CCSER2: variants seen among roughly 807,000 people sequenced by gnomAD.
CCSER2 encodes coiled-coil serine rich protein 2.
CCSER2 carries 46 observed loss-of-function variants against 92.3 expected under a neutral mutation model. The ratio of observed to expected loss-of-function variants is 0.50; its 90% CI spans 0.39 to 0.64. The LOEUF is 0.64. CCSER2 is among the 30% of genes least tolerant of loss of function. CCSER2 has a pLI of 0.00. For synonymous variants in CCSER2, 433 were observed against 431.4 expected (o/e 1.00, Z -0.04); for missense variants, 1,244 against 1,238.9 (o/e 1.00, Z -0.06).
chr10:84,463,871 T>C, intron 6 of CCSER2, 62 bp from the exon 7 acceptor site: 1 of 1,152,892 alleles, frequency 8.7e-7, no homozygotes, highest in Non-Finnish European at 1.3e-6. Flanking sequence ...TAAATTCAGG[T>C]TGAACTGAAT....
Position 84,514,430 on chromosome 10 carries a change from T to C in CCSER2, c.*163T>C, listed in dbSNP as rs886669941. 1.7e-6 allele frequency: 1 copy of C among 601,652 alleles called. No homozygotes were observed. The highest frequency in any genetic ancestry group is 2.9e-6 in the Non-Finnish European group (1 of 347,120). 37.3% of individuals were successfully genotyped at this position (601,652 alleles called of 1,614,324 possible). On this transcript the variant is annotated 3_prime_UTR_variant, in exon 10 of 10. Transcript: ENST00000372088. ...CTACTAGTTTGGCTCCTTCATTTTA[T>C]ATCCTGGTTGAAGTACATGCCATTT...
intron 5 of CCSER2, among the ~76,000 whole-genome samples, chr10:84,432,443 AC>A (rs1299413372): frequency 6.6e-6 from 1 of 152,146 alleles, no homozygotes; most frequent in Non-Finnish European, 1.5e-5. Flanking sequence ...CGTCTGTGTT[AC>A]CATTGTTATG....
intron 9 of CCSER2, among the ~76,000 whole-genome samples, chr10:84,478,384 A>G (rs766781460): frequency 6.6e-6 from 1 of 152,178 alleles, no homozygotes; most frequent in Non-Finnish European, 1.5e-5. Flanking sequence ...TTGTTAAGAG[A>G]TTGCCTAATA....
At chr10:84,494,754 C>CTT (rs1257878943) in intron 9 of CCSER2, among the ~76,000 whole-genome samples, 4 of 152,158 alleles carry the variant, frequency 2.6e-5, no homozygotes, top group African/African-American at 9.7e-5. Flanking sequence ...ATTCATAACT[C>CTT]TGAGTCCTGA....
At chr10:84,502,652 T>C (rs895778850) in intron 9 of CCSER2, among the ~76,000 whole-genome samples, 2 of 151,810 alleles carry the variant, frequency 1.3e-5, no homozygotes, top group Admixed American at 6.6e-5. Context: ...ATTACAGGCG[T>C]GAGCCACCAC....
intron 7 of CCSER2, among the ~76,000 whole-genome samples, chr10:84,466,508 G>GTTTTTTTTT (rs573093442): frequency 1.4e-5 from 2 of 138,788 alleles, no homozygotes; most frequent in Non-Finnish European, 1.6e-5. Context: ...TGTTTTTTTG[G>GTTTTTTTTT]TTTTTTTTTT....
chr10:84,414,818 A>G (rs1019104869), intron 3 of CCSER2, among the ~76,000 whole-genome samples: 5 of 151,988 alleles, frequency 3.3e-5, no homozygotes, highest in Admixed American at 1.3e-4. Context: ...ACATAATTGC[A>G]TATTTTTCAG....
At chr10:84,436,094 GC>G (rs1483276793) in intron 5 of CCSER2, among the ~76,000 whole-genome samples, 1 of 151,070 alleles carries the variant, frequency 6.6e-6, no homozygotes, top group African/African-American at 2.4e-5. Context: ...CTTTGGGAGG[GC>G]GAGGCGGGCG....
intron 1 of CCSER2, among the ~76,000 whole-genome samples, chr10:84,335,230 T>C (rs937886149): frequency 1.5e-4 from 18 of 123,180 alleles, no homozygotes; most frequent in African/African-American, 3.3e-4. Context: ...CTCTCTCTCT[T>C]TTTTTTTTTT....
intron 5 of CCSER2, 117 bp from the exon 6 acceptor site, chr10:84,438,395 C>T: frequency 4.8e-6 from 3 of 622,844 alleles, no homozygotes; most frequent in Middle Eastern, 4.6e-4. Flanking sequence ...GAAGTCAGAG[C>T]CATGGTGATA....
intron 5 of CCSER2, among the ~76,000 whole-genome samples, chr10:84,429,847 A>G (rs1298531458): frequency 6.8e-6 from 1 of 147,892 alleles, no homozygotes; most frequent in East Asian, 2.0e-4. Flanking sequence ...TATGAGCATC[A>G]TTCCTTGCTT....
chr10:84,436,144 G>C (rs1844108629), intron 5 of CCSER2, among the ~76,000 whole-genome samples: 2 of 138,890 alleles, frequency 1.4e-5, no homozygotes, highest in Admixed American at 1.5e-4. Flanking sequence ...CCTGTGAATG[G>C]TGAAACCCCC....
At position 84,470,473 on chromosome 10, in the gene CCSER2, A is replaced by T; in HGVS notation, c.2235+15A>T. ...AACTTCAGCTTGTAAGTATTGTAGT[A>T]TAATGTATAGAGACTTTTCAAACTG... On this transcript the variant is annotated intron_variant, in intron 8 of 9. Transcript: ENST00000372088. The T allele has an allele frequency of 7.1e-7, 1 of 1,407,014 alleles. No homozygotes were observed. 87.2% of individuals were successfully genotyped at this position (1,407,014 alleles called of 1,614,324 possible).
intron 1 of CCSER2, among the ~76,000 whole-genome samples, chr10:84,361,668 T>A (rs1341876700): frequency 1.3e-5 from 2 of 151,322 alleles, no homozygotes; most frequent in Non-Finnish European, 2.9e-5. Context: ...TGAGATGGAG[T>A]TTCGCTCTTG....
chr10:84,431,774 T>C (rs1163695803), intron 5 of CCSER2, among the ~76,000 whole-genome samples: 2 of 152,198 alleles, frequency 1.3e-5, no homozygotes, highest in African/African-American at 4.8e-5. Flanking sequence ...GTTGTATGGC[T>C]GTACTACAGT....
At chr10:84,511,710 A>G (rs1454355306) in intron 9 of CCSER2, among the ~76,000 whole-genome samples, 1 of 152,174 alleles carries the variant, frequency 6.6e-6, no homozygotes, top group Non-Finnish European at 1.5e-5. Context: ...TTTGTTTAAT[A>G]TGGTCCTGCT....
At position 84,449,161 on chromosome 10, in the gene CCSER2, G is replaced by A. The variant is rs1365612772; in HGVS notation, c.2064+10454G>A. On this transcript the variant is annotated intron_variant, in intron 6 of 9. Coordinates refer to ENST00000372088, the MANE Select transcript of CCSER2 (RefSeq NM_001284240.2). ...AGGCCGAGGTAGGTGGATCACCTGG[G>A]GTCAGGAGTTCAAGACCAGCCTGGC... is the stretch of plus-strand genomic sequence containing the variant. Among the ~76,000 whole-genome samples, 4 of 152,110 alleles carry A rather than the reference G, an allele frequency of 2.6e-5. No individual in the cohort carries two copies. The East Asian group carries it at 5.8e-4, about 22-fold the overall frequency.
chr10:84,417,911 G>A (rs763541685), intron 4 of CCSER2, 50 bp downstream of exon 4: 4 of 880,378 alleles, frequency 4.5e-6, no homozygotes, highest in East Asian at 2.4e-5. Context: ...TGAGCTACTC[G>A]ACTGTAGCCA....
intron 3 of CCSER2, among the ~76,000 whole-genome samples, chr10:84,395,854 T>C (rs11595121): frequency 0.21 from 31,927 of 152,118 alleles, 3,601 homozygotes; most frequent in Admixed American, 0.34. Context: ...CTTGAGTCAT[T>C]ATGTCTCCAA....
Sources: gnomAD v4.1 joint callset for allele counts (sites outside exome capture counted in the v4.1 genomes callset) on GRCh38, gnomAD v4.1.1 for gene constraint, MANE v1.5 for transcripts, NCBI Gene and HGNC (gene_info 2026-07-23, HGNC 2026-07-21) for gene names.